Variants in SH2D1B observed in about 807,000 individuals in gnomAD.
The protein encoded by SH2D1B is SH2 domain containing 1B.
A neutral mutation model predicts 16.3 loss-of-function variants in SH2D1B; 11 were observed. The observed-to-expected ratio is 0.67, with a 90% CI of 0.42 to 1.11. SH2D1B has a LOEUF of 1.11. Among genes scored for constraint, SH2D1B ranks in the 50% most tolerant of loss-of-function variants. SH2D1B has a pLI of 0.00. For missense variants in SH2D1B, 123 were observed against 153.1 expected, an observed-to-expected ratio of 0.80 and a Z score of 1.04; for synonymous variants, 55 against 56.1, an observed-to-expected ratio of 0.98 and a Z score of 0.09.
intron 1 of SH2D1B, among the ~76,000 whole-genome samples, chr1:162,405,010 C>T (rs907506571): frequency 7.2e-5 from 11 of 152,196 alleles, no homozygotes; most frequent in Admixed American, 1.3e-4. Context: ...ATATTCATAG[C>T]AACTTTAGCT....
intron 1 of SH2D1B, among the ~76,000 whole-genome samples, chr1:162,407,921 T>C (rs914321018): frequency 6.6e-6 from 1 of 152,258 alleles, no homozygotes; most frequent in Admixed American, 6.5e-5. Context: ...GCTCAGTATA[T>C]GCTTGTTGAA....
chr1:162,397,064 G>C lies in SH2D1B; in HGVS notation c.*216C>G. On this transcript the variant is annotated 3_prime_UTR_variant, in exon 4 of 4. Transcript: ENST00000367929. ...ATTCCAAGAAAGAAGAGTGAAACTGGAGAGGGTTTTGAAATTGCTCCTGGT... is the reference window on the plus strand; with the variant it reads ...ATTCCAAGAAAGAAGAGTGAAACTGCAGAGGGTTTTGAAATTGCTCCTGGT... 1 of 556,290 alleles carries C rather than the reference G, an allele frequency of 1.8e-6. No homozygotes were observed. Among genetic ancestry groups the C allele is most frequent in the African/African-American group, 1.9e-5 (1 of 52,730 alleles). The allele number at this position is 556,290 out of a possible 1,614,324, so 34.5% of individuals were successfully genotyped here. A position where few individuals can be genotyped will look rare whatever the true frequency, so the allele number is the denominator to read the frequency against.
chr1:162,398,943 A>G lies in SH2D1B; in HGVS notation c.343T>C (p.Leu115=). The G allele has an allele frequency of 6.2e-7, 1 of 1,612,020 alleles. No homozygotes were observed. The change falls in exon 3 of 4, where the codon TTA becomes CTA. Residue 115 remains leucine (L), a synonymous_variant. Coordinates refer to ENST00000367929, the MANE Select transcript of SH2D1B (RefSeq NM_053282.5). ...SPSLRWRGLK[L]ELETFVNSNS... Reference sequence around the variant, plus strand: ...TTTACCACAAATGTTTCCAACTCTAATTTCAATCCTCTCCATCTCAAGCTG... The same window carrying G: ...TTTACCACAAATGTTTCCAACTCTAGTTTCAATCCTCTCCATCTCAAGCTG...
At chr1:162,398,394 T>C (rs1486052855) in intron 3 of SH2D1B, among the ~76,000 whole-genome samples, 1 of 152,196 alleles carries the variant, frequency 6.6e-6, no homozygotes, top group Non-Finnish European at 1.5e-5. Flanking sequence ...GAGTAGCTGC[T>C]CATGATATAA....
intron 2 of SH2D1B, 25 bp downstream of exon 2, chr1:162,402,714 T>A: frequency 6.3e-7 from 1 of 1,599,158 alleles, no homozygotes; most frequent in Non-Finnish European, 8.6e-7. Flanking sequence ...TGTGTTGTTG[T>A]TGTTGTCGTC....
In SH2D1B at chr1:162,402,165, T is replaced by C. The variant is rs890097676; in HGVS notation, c.198+574A>G. 2.6e-5 allele frequency among the ~76,000 whole-genome samples: 4 copies of C among 152,282 alleles called. No individual in the cohort carries two copies. The East Asian group carries it at 5.8e-4, about 22-fold the overall frequency. ...CGGAGGTTTTGCTTGGAGTCCAGGC[T>C]GGTGTGTTTGGCCAGTGGAGGAGCC... On this transcript the variant is annotated intron_variant, in intron 2 of 3. Transcript: ENST00000367929.
intron 1 of SH2D1B, among the ~76,000 whole-genome samples, chr1:162,411,653 C>T (rs963527567): frequency 1.3e-5 from 2 of 152,162 alleles, no homozygotes; most frequent in African/African-American, 4.8e-5. Context: ...CCATGTCCCT[C>T]CTGCTGCTGC....
chr1:162,399,818 T>A (rs1036980864), intron 2 of SH2D1B, among the ~76,000 whole-genome samples: 2 of 152,198 alleles, frequency 1.3e-5, no homozygotes, highest in African/African-American at 4.8e-5. Flanking sequence ...TCCATCCATG[T>A]CCCTGCAAAG....
At chr1:162,409,551 T>C (rs1393093541) in intron 1 of SH2D1B, among the ~76,000 whole-genome samples, 1 of 152,154 alleles carries the variant, frequency 6.6e-6, no homozygotes, top group Non-Finnish European at 1.5e-5. Flanking sequence ...CTCCATCCCA[T>C]TTACATGTAA....
At chr1:162,410,886 C>A (rs1202521962) in intron 1 of SH2D1B, among the ~76,000 whole-genome samples, 1 of 151,816 alleles carries the variant, frequency 6.6e-6, no homozygotes, top group African/African-American at 2.4e-5. Context: ...GAACTCCCGA[C>A]CTCAGGTGAT....
Position 162,397,298 on chromosome 1 carries a change from A to G in SH2D1B, c.381T>C (p.Tyr127=). 1 of 1,613,864 alleles carries G rather than the reference A, an allele frequency of 6.2e-7. No homozygotes were observed. Among genetic ancestry groups the G allele is most frequent in the Non-Finnish European group, 8.5e-7 (1 of 1,179,902 alleles). ...LETFVNSNSD[Y]VDVLP is the part of the protein sequence containing the mutation. ...CTTATCTTCAAGGCAAGACATCCAC[A>G]TAATCGCTGTTACTGTTCTTTGGAG... The change falls in exon 4 of 4, where the codon TAT becomes TAC. Residue 127 remains tyrosine, a synonymous_variant. Transcript: ENST00000367929.
In SH2D1B at chr1:162,397,110, T is replaced by C; in HGVS notation, c.*170A>G. Reference sequence around the variant, plus strand: ...CTGGTATATGTCTGGGAGGCGGGGATGTGGAGAGTGACCTCTGGTGCTGGT... The same window carrying C: ...CTGGTATATGTCTGGGAGGCGGGGACGTGGAGAGTGACCTCTGGTGCTGGT... On this transcript the variant is annotated 3_prime_UTR_variant, in exon 4 of 4. Transcript: ENST00000367929. 6.2e-6 allele frequency: 4 copies of C among 642,544 alleles called. No homozygotes were observed. Among genetic ancestry groups the C allele is most frequent in the Non-Finnish European group, 1.1e-5 (4 of 365,476 alleles). 39.8% of individuals were successfully genotyped at this position (642,544 alleles called of 1,614,324 possible).
chr1:162,407,047 A>G lies in SH2D1B; in HGVS notation c.135-4245T>C, dbSNP rs1333979123. On this transcript the variant is annotated intron_variant, in intron 1 of 3. Coordinates refer to ENST00000367929, the MANE Select transcript of SH2D1B (RefSeq NM_053282.5). ...ACCACATAGCTTTCTGGTTAGTGCC[A>G]TATGCTGCTAGGTCAGCTCTCTCTG... Among the ~76,000 whole-genome samples the G allele has an allele frequency of 2.0e-5, 3 of 152,334 alleles. No homozygotes were observed. In the South Asian group the frequency reaches 6.2e-4, roughly 32 times the overall value.
intron 1 of SH2D1B, 34 bp downstream of exon 1, chr1:162,411,849 C>A (rs745449600): frequency 5.6e-6 from 9 of 1,613,118 alleles, no homozygotes; most frequent in Non-Finnish European, 6.8e-6. Flanking sequence ...ATTCAACATA[C>A]GATGTCAGAT....
intron 1 of SH2D1B, among the ~76,000 whole-genome samples, chr1:162,403,284 T>C (rs1313510787): frequency 6.7e-6 from 1 of 149,254 alleles, no homozygotes; most frequent in Non-Finnish European, 1.5e-5. Flanking sequence ...AGGTCAGGAG[T>C]TTCAGACCAG....
intron 1 of SH2D1B, among the ~76,000 whole-genome samples, chr1:162,407,239 T>C (rs1648673742): frequency 6.6e-6 from 1 of 151,986 alleles, no homozygotes; most frequent in Admixed American, 6.6e-5. Context: ...AGGGAAAGAG[T>C]ACAAAACAGA....
At position 162,399,088 on chromosome 1, in the gene SH2D1B, C is replaced by T; in HGVS notation, c.199-1G>A. On this transcript the variant is annotated splice_acceptor_variant, in intron 2 of 3. Transcript: ENST00000367929. LOFTEE classifies it high-confidence loss of function. ...CCTGTTTTGGAGAACCTTCTGCAGT[C>T]TGCAAAAATACAAGAAAGGAAATCA... 2.5e-6 allele frequency: 4 copies of T among 1,598,900 alleles called. No individual in the cohort carries two copies. Among genetic ancestry groups the T allele is most frequent in the Non-Finnish European group, 3.4e-6 (4 of 1,172,116 alleles).
rs139482941 is a variant in SH2D1B, at chr1:162,411,918, G to T, written c.99C>A (p.Ser33Arg). 4 of 1,614,068 alleles carry T rather than the reference G, an allele frequency of 2.5e-6. No homozygotes were observed. Among genetic ancestry groups the T allele is most frequent in the Non-Finnish European group, 3.4e-6 (4 of 1,180,010 alleles). ...GGCACAGGACTCCTGGTATCGACTC[G>T]CTGTCTCTTAAAAGAAAGTTGCCAT... ...GVDGNFLLRD[S>R]ESIPGVLCLC... The change falls in exon 1 of 4, where the codon AGC (serine) becomes AGA (arginine). Residue 33 changes from serine (S) to arginine (R), a missense_variant. By Grantham distance (110) the Ser-to-Arg change is moderately radical. Transcript: ENST00000367929.
intron 1 of SH2D1B, among the ~76,000 whole-genome samples, chr1:162,406,934 C>T (rs1354559803): frequency 6.6e-6 from 1 of 152,182 alleles, no homozygotes; most frequent in Admixed American, 6.5e-5. Flanking sequence ...CTCACAAAGT[C>T]ACACTACACA....
Sources: allele counts gnomAD v4.1 joint callset (sites outside exome capture counted in the v4.1 genomes callset), GRCh38; gene constraint gnomAD v4.1.1; transcripts MANE v1.5; gene names NCBI Gene and HGNC (gene_info 2026-07-23, HGNC 2026-07-21).